The following TNS1 variants were observed in gnomAD, a reference collection of about 807,000 sequenced individuals.
TNS1 encodes the protein tensin-1.
TNS1 carries 62 observed loss-of-function variants against 168.6 expected under a neutral mutation model. That is an observed-to-expected ratio of 0.37 (90% confidence interval 0.30 to 0.45). The LOEUF (loss-of-function observed/expected upper bound fraction) is 0.45. Ranked by LOEUF, TNS1 falls within the 20% of genes least tolerant of loss-of-function variation. TNS1 has a pLI of 1.00. For synonymous variants in TNS1, 934 were observed against 933.2 expected (o/e 1.00, Z -0.02); for missense variants, 2,240 against 2,339.4 (o/e 0.96, Z 0.88).
At chr2:217,805,884 CCACACACA>C (rs57846949) in intron 32 of TNS1, among the ~76,000 whole-genome samples, 2 of 147,278 alleles carry the variant, frequency 1.4e-5, no homozygotes, top group South Asian at 2.2e-4. Context: ...TATACACACA[CCACACACA>C]CACACACACA....
Position 217,948,046 on chromosome 2 carries a change from GC to G in TNS1, c.187-27811del, listed in dbSNP as rs923710135. On this transcript the variant is annotated intron_variant, in intron 3 of 32. Transcript: ENST00000682258. This position sits in a 1 kb window ranked among gnomAD's most constrained non-coding sequence, Gnocchi z 4.1. ...TTTCAATGCAGCTCTTCCAACTCAA[GC>G]CCATGTCACCAGGTAACACAACTAG... Among the ~76,000 whole-genome samples the G allele has an allele frequency of 1.1e-4, 17 of 152,276 alleles. No individual in the cohort carries two copies. The highest frequency in any genetic ancestry group is 1.8e-4 in the Non-Finnish European group (12 of 68,016).
chr2:217,811,473 T>C (rs572818026), intron 28 of TNS1, among the ~76,000 whole-genome samples: 20 of 152,256 alleles, frequency 1.3e-4, no homozygotes, highest in Non-Finnish European at 1.5e-5. Context: ...ACTGGCGGTG[T>C]TATGTGTGGG....
At chr2:217,933,493 C>T (rs1956433840) in intron 3 of TNS1, among the ~76,000 whole-genome samples, 2 of 152,184 alleles carry the variant, frequency 1.3e-5, no homozygotes, top group Non-Finnish European at 2.9e-5. Flanking sequence ...AACAGAAACA[C>T]ATCAGCACCG....
At chr2:217,830,102 G>A in intron 22 of TNS1, 2 of 639,256 alleles carry the variant, frequency 3.1e-6, no homozygotes, top group Non-Finnish European at 3.9e-6. Flanking sequence ...GAAGGCCGAG[G>A]CCCACCCTGC....
At chr2:217,879,180 A>G (rs3791943) in intron 18 of TNS1, 34,818 of 273,062 alleles carry the variant, frequency 0.13, 3,165 homozygotes, top group African/African-American at 0.3. Flanking sequence ...TCTCCTCCTC[A>G]CCGTTAATTA....
intron 6 of TNS1, chr2:217,903,699 T>G (rs3791936): frequency 0.41 from 488,989 of 1,193,538 alleles, 103,369 homozygotes; most frequent in African/African-American, 0.64. Flanking sequence ...CTGTCAGGAA[T>G]TTCCTCCTGG....
intron 6 of TNS1, chr2:217,905,379 C>A: frequency 2.2e-6 from 1 of 452,182 alleles, no homozygotes; most frequent in Non-Finnish European, 4.4e-6. Context: ...TGGGATGCTG[C>A]CGCTTTGTAG....
intron 18 of TNS1, among the ~76,000 whole-genome samples, chr2:217,875,946 G>A (rs1033156966): frequency 6.6e-6 from 1 of 152,178 alleles, no homozygotes; most frequent in Non-Finnish European, 1.5e-5. Context: ...GAAGTGGGGT[G>A]GACACCAGCC....
At chr2:217,976,530 T>A (rs951704731) in intron 3 of TNS1, among the ~76,000 whole-genome samples, 1 of 152,250 alleles carries the variant, frequency 6.6e-6, no homozygotes, top group African/African-American at 2.4e-5. Context: ...GCCTGGTTGC[T>A]GCCCTGCCAG....
chr2:218,022,927 C>T (rs1314550210), intron 1 of TNS1, among the ~76,000 whole-genome samples: 1 of 152,114 alleles, frequency 6.6e-6, no homozygotes, highest in Non-Finnish European at 1.5e-5. Flanking sequence ...GGGAGCTGGG[C>T]TTCCTCGCCC....
At chr2:217,930,329 T>C (rs1956255135) in intron 3 of TNS1, among the ~76,000 whole-genome samples, 1 of 152,202 alleles carries the variant, frequency 6.6e-6, no homozygotes, top group Admixed American at 6.5e-5. Flanking sequence ...ACACCACCTT[T>C]CCCAGTCGGG....
chr2:217,829,722 G>A (rs1944137752), intron 22 of TNS1: 2 of 1,124,574 alleles, frequency 1.8e-6, no homozygotes, highest in Admixed American at 1.8e-5. Context: ...GGAAGGCCAT[G>A]TGCCTGGTCG....
chr2:217,892,552 G>T (rs1313086137), intron 11 of TNS1, among the ~76,000 whole-genome samples: 1 of 152,242 alleles, frequency 6.6e-6, no homozygotes, highest in Non-Finnish European at 1.5e-5. Context: ...CAGAGGCAGA[G>T]GAATAGATGA....
chr2:217,938,773 G>A (rs192394678), intron 3 of TNS1, among the ~76,000 whole-genome samples: 39 of 152,298 alleles, frequency 2.6e-4, no homozygotes, highest in South Asian at 4.1e-4. Context: ...TACAGTGATG[G>A]CAACTTTCTC....
At chr2:217,832,530 G>A (rs2125297439) in intron 21 of TNS1, among the ~76,000 whole-genome samples, 1 of 152,328 alleles carries the variant, frequency 6.6e-6, no homozygotes, top group South Asian at 2.1e-4. Context: ...AGGATACTCT[G>A]CCTGCCGAAT....
chr2:217,905,342 C>T, intron 6 of TNS1: 1 of 445,718 alleles, frequency 2.2e-6, no homozygotes, highest in Admixed American at 2.4e-5. Context: ...GCTCCCTGCT[C>T]CACCTGGAGA....
intron 18 of TNS1, among the ~76,000 whole-genome samples, chr2:217,857,935 T>G (rs1462297550): frequency 2.0e-5 from 3 of 152,170 alleles, no homozygotes; most frequent in African/African-American, 7.2e-5. Flanking sequence ...GGTGCCAGCC[T>G]GGGCACTCAG....
rs1002947256 is a variant in TNS1, at chr2:217,963,727, A to G, written c.186+15038T>C. ...GTATTAACTCATCACGTGAGCCATG[A>G]AAATATGTACATTTACCGAAAAAAA... is the stretch of plus-strand genomic sequence containing the variant. On this transcript the variant is annotated intron_variant, in intron 3 of 32. Transcript: ENST00000682258. Among the ~76,000 whole-genome samples, 25 of 150,406 alleles carry G rather than the reference A, an allele frequency of 1.7e-4. No individual in the cohort carries two copies. The South Asian group carries it at 1.7e-3, about 10-fold the overall frequency.
Position 217,804,438 on chromosome 2 carries a change from G to C in TNS1, c.*21C>G, listed in dbSNP as rs927415357. On this transcript the variant is annotated 3_prime_UTR_variant, in exon 33 of 33. Transcript: ENST00000682258. Reference sequence around the variant, plus strand: ...CACAAGCCCCTTCCCCATGGCACTGGCCCTGGGCAAGGGGCAGGGTTCATC... The same window carrying C: ...CACAAGCCCCTTCCCCATGGCACTGCCCCTGGGCAAGGGGCAGGGTTCATC... 1.2e-6 allele frequency: 2 copies of C among 1,613,678 alleles called. No homozygotes were observed. Among genetic ancestry groups the C allele is most frequent in the Non-Finnish European group, 1.7e-6 (2 of 1,179,824 alleles).
Sources: gnomAD v4.1 joint callset for allele counts (sites outside exome capture counted in the v4.1 genomes callset) on GRCh38, gnomAD v4.1.1 for gene constraint, Gnocchi (gnomAD v3.1) non-coding constraint, MANE v1.5 for transcripts, NCBI Gene and HGNC (gene_info 2026-07-23, HGNC 2026-07-21) for gene names.